Variants in CADM1 observed in about 807,000 individuals in gnomAD.
CADM1 encodes cell adhesion molecule 1.
In CADM1, 15 loss-of-function variants were observed where a neutral mutation model predicts 53.1. The observed-to-expected ratio is 0.28, with a 90% CI of 0.19 to 0.44. The LOEUF is 0.44. CADM1 is among the 20% of genes least tolerant of loss of function. The probability of loss-of-function intolerance (pLI) is 1.00; values close to 1 mark genes in which losing one functional copy is unlikely to be tolerated. For synonymous variants in CADM1, 281 were observed against 243.0 expected, an observed-to-expected ratio of 1.16 and a Z score of -1.45; for missense variants, 434 against 611.3, an observed-to-expected ratio of 0.71 and a Z score of 3.06.
chr11:115,187,556 C>A (rs988501544), intron 10 of CADM1, among the ~76,000 whole-genome samples: 1 of 152,132 alleles, frequency 6.6e-6, no homozygotes, highest in African/African-American at 2.4e-5. Context: ...ACCCCTGCTC[C>A]CCCGCCCCCA....
intron 1 of CADM1, among the ~76,000 whole-genome samples, chr11:115,466,356 G>A (rs1336211528): frequency 1.3e-5 from 2 of 152,118 alleles, no homozygotes; most frequent in Non-Finnish European, 2.9e-5. Context: ...TAGTAAACCG[G>A]AAAATATTCT....
intron 1 of CADM1, among the ~76,000 whole-genome samples, chr11:115,427,800 A>G (rs566486080): frequency 6.6e-6 from 1 of 152,022 alleles, no homozygotes; most frequent in African/African-American, 2.4e-5. Flanking sequence ...CAAGGTCAGG[A>G]AATAAAGACC....
At chr11:115,336,219 C>T (rs1945263472) in intron 1 of CADM1, among the ~76,000 whole-genome samples, 1 of 152,040 alleles carries the variant, frequency 6.6e-6, no homozygotes, top group South Asian at 2.1e-4. Context: ...GCCACTAACT[C>T]GATTCAGGCT....
chr11:115,307,797 G>A (rs2040456), intron 1 of CADM1, among the ~76,000 whole-genome samples: 2,262 of 151,836 alleles, frequency 0.015, 59 homozygotes, highest in African/African-American at 0.051. Context: ...CAACATTACT[G>A]TCATTGGTCC....
In CADM1 at chr11:115,431,413, T is replaced by C. The variant is rs45522132; in HGVS notation, c.124+72858A>G. Among the ~76,000 whole-genome samples, 795 of 152,244 alleles carry C rather than the reference T, an allele frequency of 5.2e-3. 1 individual carries two copies. Among genetic ancestry groups the C allele is most frequent in the Non-Finnish European group, 7.6e-3 (516 of 68,004 alleles). On this transcript the variant is annotated intron_variant, in intron 1 of 11. Transcript: ENST00000331581. Reference sequence around the variant, plus strand: ...CCCTAATACAAGCCACTGTTACCTCTTGTCCAGACAGTAGTTCTTTGTACC... The same window carrying C: ...CCCTAATACAAGCCACTGTTACCTCCTGTCCAGACAGTAGTTCTTTGTACC...
At chr11:115,316,820 A>C (rs1356423004) in intron 1 of CADM1, among the ~76,000 whole-genome samples, 1 of 152,180 alleles carries the variant, frequency 6.6e-6, no homozygotes, top group African/African-American at 2.4e-5. Context: ...ATCTTTTACA[A>C]GGAATAAAAC....
intron 1 of CADM1, among the ~76,000 whole-genome samples, chr11:115,289,222 G>A (rs1158644566): frequency 1.3e-5 from 2 of 151,956 alleles, no homozygotes; most frequent in African/African-American, 4.8e-5. Context: ...AAAATTAGCC[G>A]GGTGTGGTGG....
chr11:115,383,528 C>T (rs925071433), intron 1 of CADM1, among the ~76,000 whole-genome samples: 22 of 152,292 alleles, frequency 1.4e-4, no homozygotes, highest in African/African-American at 4.6e-4. Context: ...TTCCAAGTGT[C>T]GCTACAGCAT....
At chr11:115,252,521 A>G (rs1351775261) in intron 1 of CADM1, among the ~76,000 whole-genome samples, 1 of 152,248 alleles carries the variant, frequency 6.6e-6, no homozygotes, top group African/African-American at 2.4e-5. Flanking sequence ...TTGCAAATTA[A>G]AAACCACAAG....
At chr11:115,368,110 C>A (rs1370424620) in intron 1 of CADM1, among the ~76,000 whole-genome samples, 7 of 61,880 alleles carry the variant, frequency 1.1e-4, no homozygotes, top group Admixed American at 2.6e-4. Context: ...TCACTAGAGT[C>A]TTTTTTTTTT....
chr11:115,379,020 C>T (rs998277195), intron 1 of CADM1, among the ~76,000 whole-genome samples: 2 of 152,172 alleles, frequency 1.3e-5, no homozygotes. Context: ...GGAGATTTCA[C>T]AATAAATGAT....
chr11:115,334,484 A>T (rs1361336679), intron 1 of CADM1, among the ~76,000 whole-genome samples: 1 of 152,088 alleles, frequency 6.6e-6, no homozygotes, highest in Non-Finnish European at 1.5e-5. Context: ...TGAGTACCCC[A>T]TCAGGTGATG....
intron 1 of CADM1, among the ~76,000 whole-genome samples, chr11:115,484,616 T>G (rs979278987): frequency 6.6e-6 from 1 of 152,162 alleles, no homozygotes; most frequent in African/African-American, 2.4e-5. Flanking sequence ...AGACACAATT[T>G]GGCGTACTGG....
At chr11:115,479,706 G>A (rs1019698000) in intron 1 of CADM1, among the ~76,000 whole-genome samples, 3 of 152,126 alleles carry the variant, frequency 2.0e-5, no homozygotes, top group African/African-American at 7.2e-5. Context: ...GGGGAAAAAT[G>A]TATTATAAAC....
At chr11:115,441,198 G>C (rs1278329621) in intron 1 of CADM1, among the ~76,000 whole-genome samples, 1 of 151,950 alleles carries the variant, frequency 6.6e-6, no homozygotes, top group Non-Finnish European at 1.5e-5. Context: ...GTACCTATAG[G>C]CTTAGAAATC....
chr11:115,431,473 CCA>C (rs1236427806), intron 1 of CADM1, among the ~76,000 whole-genome samples: 1 of 152,094 alleles, frequency 6.6e-6, no homozygotes, highest in African/African-American at 2.4e-5. Flanking sequence ...TACAAGGTAA[CCA>C]CAGTGATTTT....
At chr11:115,397,954 C>T (rs937572381) in intron 1 of CADM1, among the ~76,000 whole-genome samples, 24 of 152,162 alleles carry the variant, frequency 1.6e-4, no homozygotes, top group Middle Eastern at 3.2e-3. Context: ...ATGGGCACAT[C>T]GCCATACTTT....
intron 1 of CADM1, chr11:115,396,797 T>C (rs1044356548): frequency 2.0e-5 from 3 of 151,544 alleles, no homozygotes; most frequent in Admixed American, 1.3e-4. Context: ...ATAATAGCTA[T>C]GGGAATACTA....
chr11:115,259,084 C>G (rs1244613660), intron 1 of CADM1, among the ~76,000 whole-genome samples: 2 of 151,856 alleles, frequency 1.3e-5, no homozygotes, highest in Non-Finnish European at 2.9e-5. Context: ...TCCCCAGGTT[C>G]AAGCGATTCT....
Sources: gnomAD v4.1 joint callset for allele counts (sites outside exome capture counted in the v4.1 genomes callset) on GRCh38, gnomAD v4.1.1 for gene constraint, MANE v1.5 for transcripts, NCBI Gene and HGNC (gene_info 2026-07-23, HGNC 2026-07-21) for gene names.